The following GPI variants were observed in gnomAD, a reference collection of about 807,000 sequenced individuals.
GPI encodes the protein D-hexose-6-phosphate anomerase.
GPI carries 56 observed loss-of-function variants against 75.8 expected under a neutral mutation model. The observed-to-expected ratio is 0.74, with a 90% confidence interval of 0.60 to 0.92. The LOEUF (loss-of-function observed/expected upper bound fraction) is 0.92. Among genes scored for constraint, GPI ranks in the 40% least tolerant of loss-of-function variants. The probability of loss-of-function intolerance (pLI) is 0.00; values close to 1 mark genes in which losing one functional copy is unlikely to be tolerated. For missense variants in GPI, 638 were observed against 741.0 expected (o/e 0.86, Z 1.61); for synonymous variants, 288 against 285.4 (o/e 1.01, Z -0.09).
upstream of GPI, among the ~76,000 whole-genome samples, chr19:34,362,483 C>A (rs754086666): frequency 6.6e-6 from 1 of 152,084 alleles, no homozygotes; most frequent in Admixed American, 6.6e-5. Flanking sequence ...TCACCTCCTG[C>A]CTCTTTCGCA....
chr19:34,365,468 G>C, intron 1 of GPI, 80 bp downstream of exon 1: 1 of 1,510,286 alleles, frequency 6.6e-7, no homozygotes, highest in Non-Finnish European at 8.8e-7. Flanking sequence ...GGAGGCGGGG[G>C]CAGCGGTGCC....
chr19:34,391,914 A>G (rs1277534562), intron 9 of GPI, among the ~76,000 whole-genome samples: 6 of 1,178 alleles, frequency 5.1e-3, no homozygotes, highest in African/African-American at 0.01. Flanking sequence ...TGGTACAGGT[A>G]TGAGGATCTG....
At chr19:34,390,339 GCTGCTGGGT>G (rs2074802573) in intron 9 of GPI, among the ~76,000 whole-genome samples, 1 of 152,018 alleles carries the variant, frequency 6.6e-6, no homozygotes, top group Non-Finnish European at 1.5e-5. Context: ...GTAGCAGAGA[GCTGCTGGGT>G]CTTTCATTGT....
At chr19:34,379,376 G>A (rs1172761873) in intron 7 of GPI, 142 bp from the exon 8 acceptor site, 12 of 827,636 alleles carry the variant, frequency 1.4e-5, no homozygotes, top group Admixed American at 1.2e-4. Flanking sequence ...CCTTGACCTC[G>A]ATGTGGGCCT....
At chr19:34,370,246 A>C (rs999305007) in intron 4 of GPI, among the ~76,000 whole-genome samples, 3 of 152,316 alleles carry the variant, frequency 2.0e-5, no homozygotes, top group Middle Eastern at 3.4e-3. Context: ...GTGGGTTGGC[A>C]GACATCCTCA....
At chr19:34,361,327 C>T (rs141509002), upstream of GPI, among the ~76,000 whole-genome samples, 143 of 151,964 alleles carry the variant, frequency 9.4e-4, no homozygotes, top group African/African-American at 3.4e-3. Context: ...CTCCTGAACT[C>T]GTGATCCACC....
At chr19:34,376,563 C>CA (rs35716159) in intron 4 of GPI, among the ~76,000 whole-genome samples, 20,544 of 87,828 alleles carry the variant, frequency 0.23, 1,862 homozygotes, top group South Asian at 0.37. Flanking sequence ...GACCCTGTCT[C>CA]AAAAAAAAAA....
chr19:34,366,036 G>A (rs926512691), intron 1 of GPI: 1 of 608,248 alleles, frequency 1.6e-6, no homozygotes, highest in Non-Finnish European at 3.1e-6. Context: ...ATCTGGATGG[G>A]TGCCTGAGTA....
At chr19:34,366,539 C>T in intron 2 of GPI, 104 bp downstream of exon 2, 1 of 838,194 alleles carries the variant, frequency 1.2e-6, no homozygotes, top group Non-Finnish European at 2.1e-6. Flanking sequence ...TTCTTCCTCT[C>T]ATTAGACCTC....
intron 14 of GPI, chr19:34,397,445 C>T (rs2074962017): frequency 6.6e-6 from 1 of 152,382 alleles, no homozygotes; most frequent in Non-Finnish European, 1.5e-5. Flanking sequence ...ACTTCTGTTG[C>T]ATCTCTCTGA....
At position 34,393,624 on chromosome 19, in the gene GPI, T is replaced by G; in HGVS notation, c.866-104T>G. On this transcript the variant is annotated intron_variant, in intron 10 of 17. Transcript: ENST00000356487. The surrounding 1 kb of genome is among the most constrained non-coding windows in gnomAD (Gnocchi z 4.4). ...GTCCGAGTCCTCCCATGTCGTATCT[T>G]CTGGCTCTCCATGCAGCCTTCCTTC... 3 of 1,138,944 alleles carry G rather than the reference T, an allele frequency of 2.6e-6. No individual in the cohort carries two copies. The South Asian group carries it at 3.7e-5, about 14-fold the overall frequency. 70.6% of individuals were successfully genotyped at this position (1,138,944 alleles called of 1,614,324 possible).
chr19:34,365,677 G>A, intron 1 of GPI: 1 of 592,414 alleles, frequency 1.7e-6, no homozygotes, highest in Non-Finnish European at 3.2e-6. Flanking sequence ...GTGCAGCTCT[G>A]GCCATTTGAG....
intron 9 of GPI, among the ~76,000 whole-genome samples, chr19:34,382,850 T>G (rs2074675573): frequency 1.3e-5 from 2 of 152,128 alleles, no homozygotes; most frequent in Non-Finnish European, 2.9e-5. Flanking sequence ...GAGACCTAAG[T>G]GGAGGCCTCC....
chr19:34,369,147 C>T (rs1280129052), intron 4 of GPI, among the ~76,000 whole-genome samples: 1 of 151,522 alleles, frequency 6.6e-6, no homozygotes, highest in East Asian at 2.0e-4. Flanking sequence ...CTCCTGGATT[C>T]AAGCTATTCT....
At chr19:34,375,689 T>C (rs2074524946) in intron 4 of GPI, among the ~76,000 whole-genome samples, 1 of 152,188 alleles carries the variant, frequency 6.6e-6, no homozygotes, top group African/African-American at 2.4e-5. Flanking sequence ...GTGGGCTTCT[T>C]TATGAAACTG....
At position 34,366,421 on chromosome 19, in the gene GPI, A is replaced by C. The variant is rs529844631; in HGVS notation, c.199A>C (p.Met67Leu). 1 of 1,611,090 alleles carries C rather than the reference A, an allele frequency of 6.2e-7. No homozygotes were observed. Among genetic ancestry groups the C allele is most frequent in the Non-Finnish European group, 8.5e-7 (1 of 1,177,320 alleles). Reference protein sequence around the residue: ...KNLVTEDVMRMLVDLAKSRGV... With the variant: ...KNLVTEDVMRLLVDLAKSRGV... Reference sequence around the variant, plus strand: ...CCTGGTGACGGAGGACGTGATGCGGATGCTGGTGGACTTGGTAATGTTCTG... The same window carrying C: ...CCTGGTGACGGAGGACGTGATGCGGCTGCTGGTGGACTTGGTAATGTTCTG... Residue 67 changes from methionine to leucine, a missense_variant, in exon 2 of 18, where the codon ATG becomes CTG. By Grantham distance (15) the Met-to-Leu change is conservative. Coordinates refer to ENST00000356487, the MANE Select transcript of GPI (RefSeq NM_000175.5).
intron 4 of GPI, among the ~76,000 whole-genome samples, chr19:34,374,130 C>CTTTTTTTTTTT (rs749828679): frequency 8.8e-6 from 1 of 114,128 alleles, no homozygotes. Flanking sequence ...CCATGCCCGC[C>CTTTTTTTTTTT]TTTTTTTTTT....
chr19:34,383,423 T>G (rs1420975317), intron 9 of GPI, among the ~76,000 whole-genome samples: 1 of 152,112 alleles, frequency 6.6e-6, no homozygotes, highest in Non-Finnish European at 1.5e-5. Flanking sequence ...TGTAGACCTA[T>G]GGCATGGGAC....
chr19:34,385,345 G>C (rs2074717528), intron 9 of GPI, among the ~76,000 whole-genome samples: 1 of 145,422 alleles, frequency 6.9e-6, no homozygotes, highest in South Asian at 2.2e-4. Context: ...GTGAAACTTT[G>C]TCTCAAACAA....
Sources: allele counts gnomAD v4.1 joint callset (sites outside exome capture counted in the v4.1 genomes callset), GRCh38; gene constraint gnomAD v4.1.1; non-coding constraint Gnocchi (gnomAD v3.1); transcripts MANE v1.5; gene names NCBI Gene and HGNC (gene_info 2026-07-23, HGNC 2026-07-21).